The following SMG6 variants were observed in gnomAD, a reference collection of about 807,000 sequenced individuals.
SMG6 encodes the protein SMG6 nonsense mediated mRNA decay factor, also known as telomerase-binding protein EST1A.
Under a neutral mutation model 142.2 loss-of-function variants are expected in SMG6, and 66 were observed. The observed-to-expected ratio is 0.46, with a 90% CI of 0.38 to 0.57. The LOEUF (loss-of-function observed/expected upper bound fraction) is 0.57, where lower values mean the gene tolerates loss of function less well. Among genes scored for constraint, SMG6 ranks in the 20% least tolerant of loss-of-function variants. The probability of loss-of-function intolerance (pLI) is 0.00; values close to 1 mark genes in which losing one functional copy is unlikely to be tolerated. For missense variants in SMG6, 1,793 were observed against 1,832.0 expected (o/e 0.98, Z 0.39); for synonymous variants, 779 against 702.4 (o/e 1.11, Z -1.72).
Position 2,220,250 on chromosome 17 carries a change from G to T in SMG6, c.2869+16242C>A, listed in dbSNP as rs575005693. ...AACGCAGACAAAAATTTTATGTACAGAGATGTTAATTACAGCTTTATTTAT... is the reference window on the plus strand; with the variant it reads ...AACGCAGACAAAAATTTTATGTACATAGATGTTAATTACAGCTTTATTTAT... On this transcript the variant is annotated intron_variant, in intron 10 of 18. Transcript: ENST00000263073. Among the ~76,000 whole-genome samples, 298 of 152,268 alleles carry T rather than the reference G, an allele frequency of 2.0e-3. 2 individuals carry two copies. Among genetic ancestry groups the T allele is most frequent in the Non-Finnish European group, 3.1e-3 (211 of 68,034 alleles).
intron 8 of SMG6, among the ~76,000 whole-genome samples, chr17:2,279,180 G>A (rs1408382997): frequency 6.6e-6 from 1 of 152,232 alleles, no homozygotes; most frequent in East Asian, 1.9e-4. Context: ...TGAAGGGTAA[G>A]AAAGAAAGTG....
At chr17:2,065,348 G>GCCTCCATGGTGGCTGGC (rs1206562224) in intron 17 of SMG6, 120 bp downstream of exon 17, 14 of 1,063,900 alleles carry the variant, frequency 1.3e-5, no homozygotes, top group Admixed American at 2.0e-5. Context: ...CCCCACCTGG[G>GCCTCCATGGTGGCTGGC]CCTCCATGGT....
At chr17:2,141,671 G>A (rs1002341694) in intron 13 of SMG6, among the ~76,000 whole-genome samples, 1 of 152,154 alleles carries the variant, frequency 6.6e-6, no homozygotes. Context: ...TTGAACTCCT[G>A]GGCTCAAGTG....
At chr17:2,237,509 T>G (rs2073696667) in intron 9 of SMG6, 1 of 985,362 alleles carries the variant, frequency 1.0e-6, no homozygotes, top group African/African-American at 1.7e-5. Flanking sequence ...AAGCCCCCAG[T>G]CATCTGTCTC....
rs138570443 is a variant in SMG6, at chr17:2,220,301, G to A, written c.2869+16191C>T. On this transcript the variant is annotated intron_variant, in intron 10 of 18. Transcript: ENST00000263073. ...AATACTAGAAACCTGAGAAGAAAAT[G>A]TTCAAAAAGAGGGTAATGATTAAAT... Among the ~76,000 whole-genome samples, 46 of 152,178 alleles carry A rather than the reference G, an allele frequency of 3.0e-4. 2 individuals are homozygous for A. The East Asian group carries it at 8.9e-3, about 29-fold the overall frequency.
intron 13 of SMG6, among the ~76,000 whole-genome samples, chr17:2,119,625 G>C (rs1365859353): frequency 2.0e-5 from 3 of 151,818 alleles, no homozygotes; most frequent in African/African-American, 4.8e-5. Flanking sequence ...TCAGCCTCCT[G>C]AGTAGTTGGG....
At chr17:2,065,775 C>A in intron 16 of SMG6, 96 bp from the exon 17 acceptor site, 1 of 1,032,084 alleles carries the variant, frequency 9.7e-7, no homozygotes, top group South Asian at 1.4e-5. Flanking sequence ...CCTTCCCAGA[C>A]CAGAATCCAT....
intron 15 of SMG6, among the ~76,000 whole-genome samples, chr17:2,080,701 G>A (rs1671445273): frequency 6.6e-6 from 1 of 151,462 alleles, no homozygotes; most frequent in Non-Finnish European, 1.5e-5. Context: ...AATGGTGCAA[G>A]ATTGGCTCAC....
chr17:2,267,207 G>T (rs72819571), intron 8 of SMG6, among the ~76,000 whole-genome samples: 39,420 of 152,010 alleles, frequency 0.26, 6,599 homozygotes, highest in Admixed American at 0.36. Flanking sequence ...TTACAGATAC[G>T]GAATCTTTTT....
chr17:2,186,623 C>T (rs2151688183), intron 12 of SMG6, 40 bp downstream of exon 12: 3 of 1,610,048 alleles, frequency 1.9e-6, no homozygotes, highest in South Asian at 1.1e-5. Flanking sequence ...ACGGGCAGGC[C>T]CAAGCCAGTG....
chr17:2,103,481 C>T (rs1054429324), intron 13 of SMG6, among the ~76,000 whole-genome samples: 2 of 152,156 alleles, frequency 1.3e-5, no homozygotes, highest in African/African-American at 4.8e-5. Flanking sequence ...GAAGAAACAG[C>T]GGACCAGTTT....
At chr17:2,159,990 T>G (rs2071124926) in intron 13 of SMG6, among the ~76,000 whole-genome samples, 1 of 152,152 alleles carries the variant, frequency 6.6e-6, no homozygotes, top group African/African-American at 2.4e-5. Flanking sequence ...ATTAGATCAG[T>G]AGCTGCCTGG....
At chr17:2,121,813 C>T (rs549731000) in intron 13 of SMG6, among the ~76,000 whole-genome samples, 6 of 152,000 alleles carry the variant, frequency 3.9e-5, no homozygotes, top group South Asian at 2.1e-4. Flanking sequence ...GATGGGGTTT[C>T]GCCATGTTGC....
intron 10 of SMG6, among the ~76,000 whole-genome samples, chr17:2,221,271 G>A (rs1017756159): frequency 6.6e-6 from 1 of 152,174 alleles, no homozygotes; most frequent in East Asian, 1.9e-4. Flanking sequence ...TGATGGTTTA[G>A]CACCATCCTC....
chr17:2,217,972 C>A (rs1364251350), intron 10 of SMG6, among the ~76,000 whole-genome samples: 5 of 151,324 alleles, frequency 3.3e-5, no homozygotes, highest in African/African-American at 1.2e-4. Flanking sequence ...ATTGTGCCAC[C>A]ACACTCCAGC....
chr17:2,172,683 C>G lies in SMG6; in HGVS notation c.3332G>C (p.Cys1111Ser), dbSNP rs2071541887. ...VPLLAAPQDP[C>S]YVEKTSDKVI... Reference sequence around the variant, plus strand: ...CTTATCCGAGGTTTTCTCCACGTAGCAGGGGTCCTGAGGGGCAGCCAGCAA... The same window carrying G: ...CTTATCCGAGGTTTTCTCCACGTAGGAGGGGTCCTGAGGGGCAGCCAGCAA... Residue 1111 changes from cysteine to serine, a missense_variant, in exon 13 of 19, where the codon TGC becomes TCC. Transcript: ENST00000263073. The G allele has an allele frequency of 1.2e-6, 2 of 1,613,750 alleles. No homozygotes were observed. Among genetic ancestry groups the G allele is most frequent in the African/African-American group, 2.7e-5 (2 of 75,004 alleles).
At chr17:2,297,561 T>C (rs1358609592) in intron 3 of SMG6, among the ~76,000 whole-genome samples, 2 of 147,028 alleles carry the variant, frequency 1.4e-5, no homozygotes, top group African/African-American at 2.6e-5. Context: ...TATGAACACA[T>C]GAACACACAC....
At chr17:2,086,039 T>A (rs1054458804) in intron 13 of SMG6, 138 bp from the exon 14 acceptor site, 1 of 857,448 alleles carries the variant, frequency 1.2e-6, no homozygotes, top group Non-Finnish European at 1.9e-6. Context: ...AATGACGGGG[T>A]GCGGAGGGCA....
rs372096546 is a variant in SMG6, at chr17:2,299,235, G to A, written c.1518C>T (p.Asn506=). 1.9e-6 allele frequency: 3 copies of A among 1,614,062 alleles called. No individual in the cohort carries two copies. The highest frequency in any genetic ancestry group is 1.3e-5 in the African/African-American group (1 of 75,026). Residue 506 remains asparagine, a synonymous_variant, in exon 2 of 19, where the codon AAC becomes AAT. Coordinates refer to ENST00000263073, the MANE Select transcript of SMG6 (RefSeq NM_017575.5). This position sits in a 1 kb window ranked among gnomAD's most constrained non-coding sequence, Gnocchi z 4.3. ...CTGGTGTCCGGGGGTAATAATAGGG[G>A]TTGTCAGAGTTTTGAAACTTATAGT... ...ASYYKFQNSD[N]PYYYPRTPGP...
Sources: allele counts gnomAD v4.1 joint callset (sites outside exome capture counted in the v4.1 genomes callset), GRCh38; gene constraint gnomAD v4.1.1; non-coding constraint Gnocchi (gnomAD v3.1); transcripts MANE v1.5; gene names NCBI Gene and HGNC (gene_info 2026-07-23, HGNC 2026-07-21).